PCNT: variants seen among roughly 807,000 people sequenced by gnomAD.
The protein encoded by PCNT is pericentrin.
PCNT carries 319 observed loss-of-function variants against 380.4 expected under a neutral mutation model. That is an observed-to-expected ratio of 0.84 (90% CI 0.77 to 0.92). The LOEUF (loss-of-function observed/expected upper bound fraction) is 0.92. Among genes scored for constraint, PCNT ranks in the 40% least tolerant of loss-of-function variants. The probability of loss-of-function intolerance (pLI) is 0.00; values close to 1 mark genes in which losing one functional copy is unlikely to be tolerated. For missense variants in PCNT, 4,400 were observed against 4,255.3 expected, an observed-to-expected ratio of 1.03 and a Z score of -0.95; for synonymous variants, 1,845 against 1,735.2, an observed-to-expected ratio of 1.06 and a Z score of -1.57.
chr21:46,384,119 G>A (rs555626321), intron 16 of PCNT, among the ~76,000 whole-genome samples: 6 of 143,114 alleles, frequency 4.2e-5, no homozygotes, highest in African/African-American at 1.3e-4. Flanking sequence ...CGCATTCACA[G>A]TGTTGTATAT....
At position 46,412,982 on chromosome 21, in the gene PCNT, A is replaced by T. The variant is rs1184356165; in HGVS notation, c.6140A>T (p.Asp2047Val). ...AATGAAATGCGCCTGAGTCTGGAGG[A>T]CGGCGGCAAGGTGTGGGGAGGGGGG... ...VKNEMRLSLE[D>V]GGKGKEKVLE... The change falls in exon 29 of 47, where the codon GAC becomes GTC. Residue 2047 changes from aspartate to valine, a missense_variant. Coordinates refer to ENST00000359568, the MANE Select transcript of PCNT (RefSeq NM_006031.6). The T allele has an allele frequency of 3.1e-6, 5 of 1,604,826 alleles. No homozygotes were observed. The Admixed American group carries it at 5.0e-5, about 16-fold the overall frequency.
rs763773211 is a variant in PCNT at position 46,334,587 on chromosome 21, C to A, written c.458C>A (p.Pro153Gln). The A allele has an allele frequency of 5.7e-6, 9 of 1,574,134 alleles. No individual in the cohort carries two copies. The highest frequency in any genetic ancestry group is 7.8e-6 in the Non-Finnish European group (9 of 1,146,898). Reference protein sequence around the residue: ...RGMFTVSDHPPEQHGMFTVSD... With the variant: ...RGMFTVSDHPQEQHGMFTVSD... Reference sequence around the variant, plus strand: ...ATGTTCACAGTCAGTGACCACCCACCAGAACAGCATGGGATGTTCACAGTC... The same window carrying A: ...ATGTTCACAGTCAGTGACCACCCACAAGAACAGCATGGGATGTTCACAGTC... The change falls in exon 3 of 47, where the codon CCA becomes CAA. Residue 153 changes from proline (P) to glutamine (Q), a missense_variant. Physicochemically the swap from Pro to Gln is moderately conservative, Grantham distance 76. Coordinates refer to ENST00000359568, the MANE Select transcript of PCNT (RefSeq NM_006031.6).
At chr21:46,359,480 G>GTTTGTTTTTTTTT (rs2084610347) in intron 13 of PCNT, among the ~76,000 whole-genome samples, 3 of 65,732 alleles carry the variant, frequency 4.6e-5, no homozygotes, top group Admixed American at 2.1e-4. Flanking sequence ...AAATACACCT[G>GTTTGTTTTTTTTT]TTTTTTTTTT....
chr21:46,331,908 C>G (rs964281394), intron 2 of PCNT, among the ~76,000 whole-genome samples: 1 of 152,166 alleles, frequency 6.6e-6, no homozygotes, highest in Non-Finnish European at 1.5e-5. Flanking sequence ...GCCTGTAATC[C>G]CAGCACTTTG....
intron 27 of PCNT, among the ~76,000 whole-genome samples, chr21:46,405,110 A>G (rs971795361): frequency 2.0e-5 from 3 of 152,206 alleles, no homozygotes; most frequent in East Asian, 1.9e-4. Flanking sequence ...GCATACACCT[A>G]TAGTACCAGC....
chr21:46,397,939 G>T (rs746403549), intron 22 of PCNT, 75 bp from the exon 23 acceptor site: 22 of 1,135,016 alleles, frequency 1.9e-5, no homozygotes, highest in African/African-American at 3.1e-5. Flanking sequence ...TGCAGTGGAA[G>T]CCTGGGTGGA....
Position 46,334,409 on chromosome 21 carries a change from G to A in PCNT, c.280G>A (p.Asp94Asn). The A allele has an allele frequency of 6.2e-7, 1 of 1,614,214 alleles. No individual in the cohort carries two copies. The highest frequency in any genetic ancestry group is 1.7e-4 in the Middle Eastern group (1 of 6,056). Residue 94 changes from aspartate (D) to asparagine (N), a missense_variant, in exon 3 of 47, where the codon GAT becomes AAT. Asp to Asn is a conservative substitution (Grantham distance 23). Transcript: ENST00000359568. ...GAFAAQPEDCDGEKREDLEQL... is the reference protein window; with the variant it reads ...GAFAAQPEDCNGEKREDLEQL... ...CTCCCCTTCTTAGCCGGAGGACTGT[G>A]ATGGAGAGAAGAGAGAGGACTTGGA... is the stretch of plus-strand genomic sequence containing the variant.
At chr21:46,392,775 CT>C (rs2086077243) in intron 21 of PCNT, among the ~76,000 whole-genome samples, 1 of 152,212 alleles carries the variant, frequency 6.6e-6, no homozygotes. Context: ...TTGTCCTCTC[CT>C]TTTCTTGGTT....
intron 12 of PCNT, 63 bp from the exon 13 acceptor site, chr21:46,356,911 A>T: frequency 7.0e-7 from 1 of 1,418,682 alleles, no homozygotes; most frequent in Non-Finnish European, 1.0e-6. Context: ...GCCTGTGCGG[A>T]CTGTGGGCTC....
At chr21:46,394,034 CTTTG>C (rs1460688686) in intron 21 of PCNT, among the ~76,000 whole-genome samples, 2 of 152,236 alleles carry the variant, frequency 1.3e-5, no homozygotes, top group Non-Finnish European at 2.9e-5. Context: ...CTGGGGTCCT[CTTTG>C]TTTGCTTTCC....
At position 46,411,848 on chromosome 21, in the gene PCNT, G is replaced by C; in HGVS notation, c.5775G>C (p.Gln1925His). The C allele has an allele frequency of 6.4e-7, 1 of 1,558,634 alleles. No individual in the cohort carries two copies. Among genetic ancestry groups the C allele is most frequent in the Non-Finnish European group, 8.6e-7 (1 of 1,157,760 alleles). Residue 1925 changes from glutamine to histidine, a missense_variant, in exon 28 of 47, where the codon CAG (glutamine) becomes CAC (histidine). Coordinates refer to ENST00000359568, the MANE Select transcript of PCNT (RefSeq NM_006031.6). ...CCGAGCTGCAGTGGCTCCGAGCGCAGTGTGCCCGCCTCAGCCGCCAGCTGC... is the reference window on the plus strand; with the variant it reads ...CCGAGCTGCAGTGGCTCCGAGCGCACTGTGCCCGCCTCAGCCGCCAGCTGC... ...APPELQWLRA[Q>H]CARLSRQLQV...
chr21:46,339,437 A>C (rs1053200824), intron 3 of PCNT, among the ~76,000 whole-genome samples: 1 of 152,216 alleles, frequency 6.6e-6, no homozygotes. Flanking sequence ...GAGTTTATTA[A>C]GGAGCATCGA....
In PCNT at chr21:46,411,773, C is replaced by T; in HGVS notation, c.5700C>T (p.Arg1900=). ...AGGCCGTCCTGTTGGCCTTGGCCCG[C>T]ATCCGCCGCGCCCTGGAGCAGCAGC... The part of the protein sequence containing the change: ...ELEAVLLALA[R]IRRALEQQPL... The change falls in exon 28 of 47, where the codon CGC becomes CGT. Residue 1900 remains arginine, a synonymous_variant. Coordinates refer to ENST00000359568, the MANE Select transcript of PCNT (RefSeq NM_006031.6). 2 of 1,606,750 alleles carry T rather than the reference C, an allele frequency of 1.2e-6. No homozygotes were observed. The highest frequency in any genetic ancestry group is 1.7e-6 in the Non-Finnish European group (2 of 1,178,846).
chr21:46,341,252 G>A (rs558941651), intron 3 of PCNT, among the ~76,000 whole-genome samples: 52 of 152,126 alleles, frequency 3.4e-4, no homozygotes, highest in African/African-American at 1.2e-3. Flanking sequence ...GGTCTGCCGT[G>A]GGTGCCACTT....
intron 15 of PCNT, among the ~76,000 whole-genome samples, chr21:46,380,183 T>TTG (rs2085477683): frequency 1.1e-5 from 1 of 92,746 alleles, no homozygotes; most frequent in Non-Finnish European, 2.1e-5. Context: ...TTTTTTTTTT[T>TTG]GAGACAGAGT....
At chr21:46,328,832 G>A (rs981764567) in intron 2 of PCNT, among the ~76,000 whole-genome samples, 6 of 151,052 alleles carry the variant, frequency 4.0e-5, no homozygotes, top group East Asian at 2.0e-4. Context: ...GGAGTGCAGC[G>A]GCACGCCCTC....
chr21:46,411,258 A>G lies in PCNT; in HGVS notation c.5185A>G (p.Lys1729Glu). 1.2e-6 allele frequency: 2 copies of G among 1,614,210 alleles called. No homozygotes were observed. The highest frequency in any genetic ancestry group is 1.1e-5 in the South Asian group (1 of 91,092). ...TATTGAAAATCTGCAAGAGAATCAG[A>G]AACGATTACAAAAGGAGAAAGCAGA... is the stretch of plus-strand genomic sequence containing the variant. ...ATIENLQENQ[K>E]RLQKEKAEEI... Residue 1729 changes from lysine to glutamate, a missense_variant, in exon 28 of 47, where the codon AAA becomes GAA. Transcript: ENST00000359568.
At chr21:46,434,196 A>G (rs2087874666) in intron 38 of PCNT, among the ~76,000 whole-genome samples, 3 of 152,218 alleles carry the variant, frequency 2.0e-5, no homozygotes, top group Admixed American at 1.3e-4. Flanking sequence ...CATCTTTTCT[A>G]AATAATACAA....
chr21:46,422,833 C>T (rs1173275803), intron 32 of PCNT, among the ~76,000 whole-genome samples: 1 of 152,248 alleles, frequency 6.6e-6, no homozygotes, highest in Non-Finnish European at 1.5e-5. Flanking sequence ...CTGCTGGCCG[C>T]AGCTCCCGTT....
Sources: gnomAD v4.1 joint callset for allele counts (sites outside exome capture counted in the v4.1 genomes callset) on GRCh38, gnomAD v4.1.1 for gene constraint, MANE v1.5 for transcripts, NCBI Gene and HGNC (gene_info 2026-07-23, HGNC 2026-07-21) for gene names.